EXOC2: variants seen among roughly 807,000 people sequenced by gnomAD.
EXOC2 encodes the protein SEC5-like 1.
A neutral mutation model predicts 131.8 loss-of-function variants in EXOC2; 70 were observed. The observed-to-expected ratio is 0.53, with a 90% CI of 0.44 to 0.65. The LOEUF (loss-of-function observed/expected upper bound fraction) is 0.65, where lower values mean the gene tolerates loss of function less well. Among genes scored for constraint, EXOC2 ranks in the 30% least tolerant of loss-of-function variants. The pLI is 0.00. For synonymous variants in EXOC2, 411 were observed against 398.4 expected, an observed-to-expected ratio of 1.03 and a Z score of -0.38; for missense variants, 923 against 1,108.6, an observed-to-expected ratio of 0.83 and a Z score of 2.38.
At chr6:513,249 C>T (rs760383769) in intron 23 of EXOC2, among the ~76,000 whole-genome samples, 7 of 152,270 alleles carry the variant, frequency 4.6e-5, no homozygotes, top group Admixed American at 2.6e-4. Flanking sequence ...ACCAAGAGCA[C>T]GGCGTGGTCA....
intron 23 of EXOC2, among the ~76,000 whole-genome samples, chr6:501,949 C>G (rs967452732): frequency 2.0e-5 from 3 of 151,888 alleles, no homozygotes; most frequent in African/African-American, 7.3e-5. Flanking sequence ...CGTCTGGAGA[C>G]CAGAGAGGCT....
At chr6:624,778 G>C (rs767705693) in intron 4 of EXOC2, among the ~76,000 whole-genome samples, 6 of 152,244 alleles carry the variant, frequency 3.9e-5, no homozygotes, top group Non-Finnish European at 5.9e-5. Context: ...TAACAGGAAA[G>C]GAAGAGGTAG....
chr6:568,278 G>A (rs2127590868), intron 13 of EXOC2, among the ~76,000 whole-genome samples: 2 of 152,344 alleles, frequency 1.3e-5, no homozygotes, highest in Middle Eastern at 3.4e-3. Flanking sequence ...GGCCTGAACA[G>A]CACAAAAGAG....
chr6:630,971 C>T (rs368129377), intron 3 of EXOC2, among the ~76,000 whole-genome samples: 1 of 152,310 alleles, frequency 6.6e-6, no homozygotes. Context: ...GACTGAACTC[C>T]GTTATCATTC....
chr6:550,863 A>T (rs527699856), intron 21 of EXOC2, among the ~76,000 whole-genome samples: 1 of 152,230 alleles, frequency 6.6e-6, no homozygotes, highest in Non-Finnish European at 1.5e-5. Flanking sequence ...TTTTCCTTCC[A>T]GAGTCAAGTC....
rs550876798 is a variant in EXOC2, at chr6:498,055, T to C, written c.2437-566A>G. On this transcript the variant is annotated intron_variant, in intron 24 of 27. Coordinates refer to ENST00000230449, the MANE Select transcript of EXOC2 (RefSeq NM_018303.6). ...ACTTTCAAACTGAGAGTTACTGTCT[T>C]TGGAGATTTACTGAAACATCTGACT... is the stretch of plus-strand genomic sequence containing the variant. 1.1e-3 allele frequency among the ~76,000 whole-genome samples: 175 copies of C among 152,342 alleles called. 1 individual carries two copies. Among genetic ancestry groups the C allele is most frequent in the African/African-American group, 4.0e-3 (166 of 41,576 alleles).
In EXOC2 at chr6:629,898, C is replaced by T. The variant is rs753061528; in HGVS notation, c.359G>A (p.Arg120Lys). Residue 120 changes from arginine to lysine, a missense_variant, in exon 4 of 28, where the codon AGG becomes AAG. Physicochemically the swap from Arg to Lys is conservative, Grantham distance 26 (BLOSUM62 2). Coordinates refer to ENST00000230449, the MANE Select transcript of EXOC2 (RefSeq NM_018303.6). The part of the protein sequence containing the change: ...EMNYYDMRTD[R>K]NKGIPPLSLR... ...GGACAAGGGCGGAATTCCTTTGTTC[C>T]TGTCAGTGCGCATATCATAATAATT... 6 of 1,614,080 alleles carry T rather than the reference C, an allele frequency of 3.7e-6. No homozygotes were observed. The South Asian group carries it at 6.6e-5, about 18-fold the overall frequency.
At chr6:610,014 G>A (rs1178017083) in intron 7 of EXOC2, 84 bp downstream of exon 7, 2 of 1,174,292 alleles carry the variant, frequency 1.7e-6, no homozygotes, top group Non-Finnish European at 2.5e-6. Flanking sequence ...TTACTGCCTT[G>A]TCCCGCGATA....
rs998837894 is a variant in EXOC2 at position 614,232 on chromosome 6, T to A, written c.661+3479A>T. ...TGGAATTTACGGTGAGGACTTAGGG[T>A]CACTCAATATCAGCCTGATCTGAGG... is the stretch of plus-strand genomic sequence containing the variant. On this transcript the variant is annotated intron_variant, in intron 6 of 27. Transcript: ENST00000230449. 2.6e-5 allele frequency among the ~76,000 whole-genome samples: 4 copies of A among 151,528 alleles called. No individual in the cohort carries two copies. The East Asian group carries it at 5.8e-4, about 22-fold the overall frequency.
chr6:610,951 T>G (rs1020997017), intron 6 of EXOC2, among the ~76,000 whole-genome samples: 1 of 152,244 alleles, frequency 6.6e-6, no homozygotes, highest in African/African-American at 2.4e-5. Context: ...TGAATTGTCT[T>G]GGTTGACTTG....
At chr6:651,910 G>T (rs556438450) in intron 1 of EXOC2, among the ~76,000 whole-genome samples, 1 of 151,656 alleles carries the variant, frequency 6.6e-6, no homozygotes, top group Non-Finnish European at 1.5e-5. Context: ...ACAAAAACTA[G>T]CCGGGTGCGG....
chr6:544,328 T>C (rs1438605592), intron 22 of EXOC2, among the ~76,000 whole-genome samples: 2 of 152,234 alleles, frequency 1.3e-5, no homozygotes, highest in East Asian at 3.8e-4. Context: ...TGAGTCCTTC[T>C]GATGGGGTAT....
At chr6:651,432 T>C (rs1762826190) in intron 1 of EXOC2, among the ~76,000 whole-genome samples, 1 of 151,810 alleles carries the variant, frequency 6.6e-6, no homozygotes, top group Non-Finnish European at 1.5e-5. Context: ...GGCGGGCAGA[T>C]AACTTGAGGT....
chr6:646,866 T>C (rs1396335854), intron 1 of EXOC2, among the ~76,000 whole-genome samples: 1 of 152,230 alleles, frequency 6.6e-6, no homozygotes, highest in Non-Finnish European at 1.5e-5. Flanking sequence ...AGATTTAGTA[T>C]GGTAGCATAT....
intron 10 of EXOC2, among the ~76,000 whole-genome samples, chr6:596,959 G>T (rs528167623): frequency 3.9e-5 from 6 of 152,222 alleles, no homozygotes; most frequent in African/African-American, 1.4e-4. Context: ...CTTTTTATGT[G>T]CCGGGTGAGG....
intron 23 of EXOC2, among the ~76,000 whole-genome samples, chr6:502,810 A>G (rs1561789908): frequency 6.6e-6 from 1 of 152,232 alleles, no homozygotes; most frequent in Admixed American, 6.5e-5. Context: ...AATGAAAAAA[A>G]GGAAATAATT....
chr6:503,060 G>C, intron 23 of EXOC2, among the ~76,000 whole-genome samples: 1 of 152,184 alleles, frequency 6.6e-6, no homozygotes, highest in Non-Finnish European at 1.5e-5. Flanking sequence ...TGCAGTGCCT[G>C]TGCTGGTATT....
chr6:599,403 TAA>T (rs1042051882), intron 7 of EXOC2, among the ~76,000 whole-genome samples, 178 bp from the exon 8 acceptor site: 4 of 152,224 alleles, frequency 2.6e-5, no homozygotes, highest in African/African-American at 4.8e-5. Flanking sequence ...CCATTTTGCC[TAA>T]GTCTTTTCAT....
chr6:615,724 G>GA (rs199694152), intron 6 of EXOC2, among the ~76,000 whole-genome samples: 32,481 of 101,732 alleles, frequency 0.32, 4,256 homozygotes, highest in African/African-American at 0.46. Flanking sequence ...CATCTCAAAA[G>GA]AAAAAAAAAA....
Sources: gnomAD v4.1 joint callset for allele counts (sites outside exome capture counted in the v4.1 genomes callset) on GRCh38, gnomAD v4.1.1 for gene constraint, MANE v1.5 for transcripts, NCBI Gene and HGNC (gene_info 2026-07-23, HGNC 2026-07-21) for gene names.